CHSY3: variants seen among roughly 807,000 people sequenced by gnomAD.
CHSY3 encodes the protein N-acetylgalactosaminyl-proteoglycan 3-beta-glucuronosyltransferase 3.
In CHSY3, 35 loss-of-function variants were observed where a neutral mutation model predicts 67.2. The observed-to-expected ratio is 0.52, with a 90% CI of 0.40 to 0.69. The LOEUF is 0.69. Among genes scored for constraint, CHSY3 ranks in the 30% least tolerant of loss-of-function variants. The pLI is 0.00. For missense variants in CHSY3, 1,069 were observed against 1,138.5 expected (o/e 0.94, Z 0.88); for synonymous variants, 474 against 434.7 (o/e 1.09, Z -1.12).
At chr5:130,109,280 CAT>C (rs1257004400) in intron 2 of CHSY3, among the ~76,000 whole-genome samples, 2 of 151,582 alleles carry the variant, frequency 1.3e-5, no homozygotes, top group Non-Finnish European at 3.0e-5. Context: ...TTTTAAGAGA[CAT>C]AGATTTCCTT....
At chr5:130,017,427 G>A (rs1764247103) in intron 2 of CHSY3, among the ~76,000 whole-genome samples, 1 of 152,060 alleles carries the variant, frequency 6.6e-6, no homozygotes, top group African/African-American at 2.4e-5. Flanking sequence ...TTAACAGTTT[G>A]CAAGCACTGG....
At position 130,143,816 on chromosome 5, in the gene CHSY3, A is replaced by G. The variant is rs1185615801; in HGVS notation, c.1087-40413A>G. 7.3e-3 allele frequency among the ~76,000 whole-genome samples: 730 copies of G among 100,264 alleles called. 12 individuals carry two copies. Among genetic ancestry groups the G allele is most frequent in the African/African-American group, 0.01 (256 of 25,424 alleles). 65.8% of individuals were successfully genotyped at this position (100,264 alleles called of 152,430 possible). On this transcript the variant is annotated intron_variant, in intron 2 of 2. Transcript: ENST00000305031. Reference sequence around the variant, plus strand: ...TATATATATATATATGTGTGTATATATATATATATATATATATATATATAT... The same window carrying G: ...TATATATATATATATGTGTGTATATGTATATATATATATATATATATATAT...
intron 2 of CHSY3, among the ~76,000 whole-genome samples, chr5:130,181,139 T>C (rs1044265259): frequency 3.3e-5 from 5 of 152,168 alleles, no homozygotes; most frequent in African/African-American, 9.7e-5. Flanking sequence ...TGTTCATTGC[T>C]GCTGTGATTT....
chr5:129,932,385 A>G (rs1240005101), intron 2 of CHSY3, among the ~76,000 whole-genome samples: 2 of 152,030 alleles, frequency 1.3e-5, no homozygotes, highest in African/African-American at 4.8e-5. Context: ...AGGCCTACAT[A>G]CAATATGATG....
intron 2 of CHSY3, among the ~76,000 whole-genome samples, chr5:130,018,965 A>G (rs1764289844): frequency 6.6e-6 from 1 of 152,062 alleles, no homozygotes; most frequent in Non-Finnish European, 1.5e-5. Flanking sequence ...TTCCCCTCGG[A>G]CCATCTCTGC....
intron 2 of CHSY3, among the ~76,000 whole-genome samples, chr5:130,094,877 TAGTG>T (rs1369457948): frequency 5.3e-5 from 8 of 152,060 alleles, no homozygotes; most frequent in Non-Finnish European, 8.8e-5. Context: ...ATATGCATAT[TAGTG>T]AGGAATTTTG....
intron 2 of CHSY3, among the ~76,000 whole-genome samples, chr5:130,165,092 T>C (rs1189804511): frequency 2.6e-5 from 4 of 152,198 alleles, no homozygotes; most frequent in African/African-American, 9.7e-5. Flanking sequence ...TACAGTCATC[T>C]ATTCCATGGT....
intron 2 of CHSY3, among the ~76,000 whole-genome samples, chr5:130,120,695 C>T (rs1767986397): frequency 6.6e-6 from 1 of 151,886 alleles, no homozygotes; most frequent in Non-Finnish European, 1.5e-5. Context: ...ATAATGCCTA[C>T]CTCATAGATT....
chr5:129,984,198 A>G (rs558946722), intron 2 of CHSY3, among the ~76,000 whole-genome samples: 28 of 152,208 alleles, frequency 1.8e-4, no homozygotes, highest in African/African-American at 5.3e-4. Flanking sequence ...TGTACTCTCA[A>G]GTAGGCCTCA....
At chr5:129,916,071 A>G (rs1266581076) in intron 2 of CHSY3, among the ~76,000 whole-genome samples, 1 of 152,240 alleles carries the variant, frequency 6.6e-6, no homozygotes, top group Non-Finnish European at 1.5e-5. Context: ...TAATACAGTT[A>G]TGGTCATAGT....
In CHSY3 at chr5:130,185,546, G is replaced by C; in HGVS notation, c.2404G>C (p.Gly802Arg). 4 of 1,614,118 alleles carry C rather than the reference G, an allele frequency of 2.5e-6. No individual in the cohort carries two copies. The highest frequency in any genetic ancestry group is 3.4e-6 in the Non-Finnish European group (4 of 1,179,988). The change falls in exon 3 of 3, where the codon GGC (glycine) becomes CGC (arginine). Residue 802 changes from glycine to arginine, a missense_variant. Around this residue, in one of 5 missense-constraint regions of CHSY3, gnomAD observed 139 missense variants for 152.8 expected, o/e 0.91. Transcript: ENST00000305031. Reference sequence around the variant, plus strand: ...AGGTGGATTTGATACCTCAATACAAGGCTGGGGACTAGAAGATGTAGATCT... The same window carrying C: ...AGGTGGATTTGATACCTCAATACAACGCTGGGGACTAGAAGATGTAGATCT... Reference protein sequence around the residue: ...GAGGFDTSIQGWGLEDVDLYN... With the variant: ...GAGGFDTSIQRWGLEDVDLYN...
Position 129,905,502 on chromosome 5 carries a change from G to C in CHSY3, c.673G>C (p.Ala225Pro). ...GQPPPPLPVI[A>P]LPGVDDSYPP... ...GCCCCCGCCACCCCTGCCTGTCATC[G>C]CGCTACCGGGTGTGGACGACTCCTA... The change falls in exon 1 of 3, where the codon GCG (alanine) becomes CCG (proline). Residue 225 changes from alanine to proline, a missense_variant. This residue lies in a region of CHSY3 where 216 missense variants were observed against 311.5 expected (regional missense o/e 0.69). Transcript: ENST00000305031. 6.2e-7 allele frequency: 1 copy of C among 1,613,086 alleles called. No individual in the cohort carries two copies. The highest frequency in any genetic ancestry group is 8.5e-7 in the Non-Finnish European group (1 of 1,179,982).
At chr5:130,027,792 G>C (rs1397734506) in intron 2 of CHSY3, among the ~76,000 whole-genome samples, 1 of 152,088 alleles carries the variant, frequency 6.6e-6, no homozygotes, top group Non-Finnish European at 1.5e-5. Context: ...CCCTACAAAG[G>C]ACATGAACTC....
chr5:129,924,073 T>C (rs973581192), intron 2 of CHSY3, among the ~76,000 whole-genome samples: 17 of 152,316 alleles, frequency 1.1e-4, no homozygotes, highest in Admixed American at 1.1e-3. Flanking sequence ...GTTTGAAAAT[T>C]ATATAAAATT....
chr5:129,939,399 A>T (rs1761625504), intron 2 of CHSY3, among the ~76,000 whole-genome samples: 1 of 152,184 alleles, frequency 6.6e-6, no homozygotes, highest in Non-Finnish European at 1.5e-5. Context: ...ATTAGGCTGT[A>T]TTCACTCTTG....
At chr5:130,093,913 T>C (rs1766963436) in intron 2 of CHSY3, among the ~76,000 whole-genome samples, 1 of 152,168 alleles carries the variant, frequency 6.6e-6, no homozygotes, top group African/African-American at 2.4e-5. Context: ...ACCACATCTC[T>C]TCTATTTCCT....
chr5:129,932,175 C>A (rs1267616808), intron 2 of CHSY3, among the ~76,000 whole-genome samples: 1 of 143,070 alleles, frequency 7.0e-6, no homozygotes, highest in Non-Finnish European at 1.5e-5. Flanking sequence ...ATCAGAGTCT[C>A]TGATAGTTTT....
chr5:130,092,615 A>T (rs565968756), intron 2 of CHSY3, among the ~76,000 whole-genome samples: 1 of 152,288 alleles, frequency 6.6e-6, no homozygotes, highest in East Asian at 1.9e-4. Context: ...CTTTGCTATA[A>T]TCTGAACATA....
chr5:130,024,152 A>AAAAAAAAAAAAG (rs386404969), intron 2 of CHSY3, among the ~76,000 whole-genome samples: 7 of 150,834 alleles, frequency 4.6e-5, no homozygotes, highest in African/African-American at 1.7e-4. Context: ...AAAAAAAAAA[A>AAAAAAAAAAAAG]AAGCCTGTCT....
Sources: gnomAD v4.1 joint callset for allele counts (sites outside exome capture counted in the v4.1 genomes callset) on GRCh38, gnomAD v4.1.1 for gene constraint, gnomAD v4.1.1 regional missense constraint, MANE v1.5 for transcripts, NCBI Gene and HGNC (gene_info 2026-07-23, HGNC 2026-07-21) for gene names.